Variants in PHEX observed in about 807,000 individuals in gnomAD.
PHEX encodes phosphate regulating endopeptidase X-linked, also known as phosphate-regulating neutral endopeptidase PHEX.
A neutral mutation model predicts 68.0 loss-of-function variants in PHEX; 16 were observed. The ratio of observed to expected loss-of-function variants is 0.24; its 90% CI spans 0.16 to 0.36. The LOEUF is 0.36. PHEX is among the 10% of genes least tolerant of loss of function. The pLI, the probability that PHEX is intolerant of heterozygous loss-of-function variation, is 1.00. For synonymous variants in PHEX, 208 were observed against 205.1 expected (o/e 1.01, Z -0.12); for missense variants, 480 against 575.5 (o/e 0.83, Z 1.70).
chrX:22,110,701 G>A (rs1985244), intron 9 of PHEX, among the ~76,000 whole-genome samples: 23,417 of 106,873 alleles, frequency 0.22, 1,901 homozygotes, highest in East Asian at 0.3. Context: ...CTATCACAAG[G>A]ACAAAAAACC....
rs1404681288 is a variant in PHEX at position 22,097,031 on chromosome X, T to C, written c.926T>C (p.Ile309Thr). Reference protein sequence around the residue: ...KMNISELSAMIPQFDWLGYIK... With the variant: ...KMNISELSAMTPQFDWLGYIK... ...AACATTTCTGAACTGAGTGCTATGATTCCCCAGGTTGGTGAAAACTATCCA... is the reference window on the plus strand; with the variant it reads ...AACATTTCTGAACTGAGTGCTATGACTCCCCAGGTTGGTGAAAACTATCCA... Residue 309 changes from isoleucine to threonine, a missense_variant, in exon 8 of 22, where the codon ATT becomes ACT. Coordinates refer to ENST00000379374, the MANE Select transcript of PHEX (RefSeq NM_000444.6). 1 of 1,185,707 alleles carries C rather than the reference T, an allele frequency of 8.4e-7. No homozygotes were observed. The highest frequency in any genetic ancestry group is 1.1e-6 in the Non-Finnish European group (1 of 871,628).
intron 3 of PHEX, among the ~76,000 whole-genome samples, chrX:22,052,753 T>C (rs1282720850): frequency 9.2e-6 from 1 of 108,754 alleles, no homozygotes; most frequent in African/African-American, 3.4e-5. Context: ...TATCAGAGTA[T>C]GCAAAGGCAT....
intron 19 of PHEX, 43 bp downstream of exon 19, chrX:22,226,551 T>A (rs778420647): frequency 1.0e-6 from 1 of 972,721 alleles, no homozygotes; most frequent in Non-Finnish European, 1.5e-6. Context: ...AATCAAGCCA[T>A]AAAACACCAT....
At chrX:22,141,990 C>T (rs1280315642) in intron 12 of PHEX, among the ~76,000 whole-genome samples, 1 of 112,310 alleles carries the variant, frequency 8.9e-6, no homozygotes, top group Non-Finnish European at 1.9e-5. Context: ...GTGGCCCACA[C>T]TTGTAATCCC....
intron 18 of PHEX, among the ~76,000 whole-genome samples, chrX:22,224,925 C>A (rs1339065777): frequency 1.7e-3 from 1 of 592 alleles, no homozygotes; most frequent in Non-Finnish European, 5.8e-3. Context: ...TTACTATAAA[C>A]TTAGTAGCTT....
rs187193898 is a variant in PHEX, at chrX:22,151,673, G to A, written c.1405-16639G>A. Among the ~76,000 whole-genome samples the A allele has an allele frequency of 2.7e-5, 3 of 111,901 alleles. No individual in the cohort carries two copies. The Admixed American group carries it at 2.9e-4, about 11-fold the overall frequency. On this transcript the variant is annotated intron_variant, in intron 12 of 21. Coordinates refer to ENST00000379374, the MANE Select transcript of PHEX (RefSeq NM_000444.6). ...TGCTGGTAAAATCTAATTTACCTTA[G>A]TGCCTTGACTGGTCTGCAAAATAAA...
At chrX:22,207,050 G>T (rs1010309060) in intron 15 of PHEX, among the ~76,000 whole-genome samples, 1 of 111,695 alleles carries the variant, frequency 9.0e-6, no homozygotes. Context: ...CTAAACAAAA[G>T]CACTCTGTCT....
At chrX:22,077,740 T>C in intron 5 of PHEX, 38 bp downstream of exon 5, 43 of 1,049,830 alleles carry the variant, frequency 4.1e-5, no homozygotes, top group Non-Finnish European at 5.5e-5. Context: ...TGCTCAGTCC[T>C]AGATTAGCCT....
chrX:22,180,098 T>C (rs962530016), intron 14 of PHEX, among the ~76,000 whole-genome samples: 1 of 110,640 alleles, frequency 9.0e-6, no homozygotes, highest in African/African-American at 3.3e-5. Context: ...TCCACTCAGT[T>C]TTTTAACTCT....
At chrX:22,193,980 G>A (rs1363793137) in intron 15 of PHEX, among the ~76,000 whole-genome samples, 2 of 111,827 alleles carry the variant, frequency 1.8e-5, no homozygotes, top group East Asian at 2.8e-4. Context: ...AAAAGCCGAC[G>A]TTTCCGCATT....
At position 22,248,111 on chromosome X, in the gene PHEX, T is replaced by C. The variant is rs941886901; in HGVS notation, c.*158T>C. Reference sequence around the variant, plus strand: ...CCTGCTTGGATCTAGACAGCATCTGTTCAAAGTTGTAGGGCTTATAAAGTG... The same window carrying C: ...CCTGCTTGGATCTAGACAGCATCTGCTCAAAGTTGTAGGGCTTATAAAGTG... On this transcript the variant is annotated 3_prime_UTR_variant, in exon 22 of 22. Transcript: ENST00000379374. 10 of 478,673 alleles carry C rather than the reference T, an allele frequency of 2.1e-5. No individual in the cohort carries two copies. Among genetic ancestry groups the C allele is most frequent in the Non-Finnish European group, 3.0e-5 (8 of 268,838 alleles). The allele number at this position is 478,673 out of a possible 1,213,427, so 39.4% of individuals were successfully genotyped here.
chrX:22,125,400 T>C (rs752783226), intron 11 of PHEX, among the ~76,000 whole-genome samples: 2 of 112,139 alleles, frequency 1.8e-5, no homozygotes, highest in African/African-American at 6.5e-5. Context: ...CTCAACATTA[T>C]GCCTTTTCGT....
intron 12 of PHEX, among the ~76,000 whole-genome samples, chrX:22,143,217 A>G (rs1932541079): frequency 8.9e-6 from 1 of 112,367 alleles, no homozygotes; most frequent in Non-Finnish European, 1.9e-5. Context: ...TCTCATGCTC[A>G]ATAGCAGATT....
At chrX:22,239,138 G>T (rs1032677546) in intron 20 of PHEX, among the ~76,000 whole-genome samples, 1 of 111,914 alleles carries the variant, frequency 8.9e-6, no homozygotes, top group African/African-American at 3.3e-5. Flanking sequence ...CAGCAGAGGA[G>T]CCCTGAGTTA....
At chrX:22,211,607 C>T (rs924254907) in intron 15 of PHEX, among the ~76,000 whole-genome samples, 2 of 112,143 alleles carry the variant, frequency 1.8e-5, no homozygotes, top group African/African-American at 6.5e-5. Context: ...CTTCTTAATA[C>T]ATGTACATTC....
chrX:22,067,825 ATT>A (rs775606546), intron 3 of PHEX, among the ~76,000 whole-genome samples: 1 of 96,847 alleles, frequency 1.0e-5, no homozygotes, highest in African/African-American at 3.7e-5. Flanking sequence ...ACAAGCTCCC[ATT>A]TTTTTTTTTT....
chrX:22,202,871 T>C (rs1256768166), intron 15 of PHEX, among the ~76,000 whole-genome samples: 1 of 111,929 alleles, frequency 8.9e-6, no homozygotes. Flanking sequence ...GTTCTCAAAG[T>C]GCGGTCCCTG....
At chrX:22,212,378 C>A (rs1340855565) in intron 15 of PHEX, among the ~76,000 whole-genome samples, 1 of 111,832 alleles carries the variant, frequency 8.9e-6, no homozygotes, top group Non-Finnish European at 1.9e-5. Flanking sequence ...CTCCTAGGAA[C>A]AACAGACACA....
intron 5 of PHEX, among the ~76,000 whole-genome samples, chrX:22,087,067 C>T (rs984132717): frequency 3.6e-5 from 4 of 111,653 alleles, no homozygotes; most frequent in African/African-American, 1.3e-4. Flanking sequence ...TAAAATGTTC[C>T]CTAGAAACCA....
Sources: gnomAD v4.1 joint callset for allele counts (sites outside exome capture counted in the v4.1 genomes callset) on GRCh38, gnomAD v4.1.1 for gene constraint, MANE v1.5 for transcripts, NCBI Gene and HGNC (gene_info 2026-07-23, HGNC 2026-07-21) for gene names.